PTPN20: variants seen among roughly 807,000 people sequenced by gnomAD.
PTPN20 encodes the protein protein tyrosine phosphatase non-receptor type 20, also known as tyrosine-protein phosphatase non-receptor type 20.
A neutral mutation model predicts 35.0 loss-of-function variants in PTPN20; 9 were observed. The ratio of observed to expected loss-of-function variants is 0.26; its 90% CI spans 0.15 to 0.45. The LOEUF is 0.45. Ranked by LOEUF, PTPN20 falls within the 20% of genes least tolerant of loss-of-function variation. PTPN20 has a pLI of 1.00. For missense variants in PTPN20, 111 were observed against 312.5 expected (o/e 0.36, Z 4.86); for synonymous variants, 32 against 100.2 (o/e 0.32, Z 4.06).
In PTPN20 at chr10:47,000,701, T is replaced by C. The variant is rs1656368670; in HGVS notation, c.1223T>C (p.Ile408Thr). 1.9e-6 allele frequency: 3 copies of C among 1,613,554 alleles called. No individual in the cohort carries two copies. Among genetic ancestry groups the C allele is most frequent in the Admixed American group, 1.7e-5 (1 of 60,002 alleles). The change falls in exon 11 of 11, where the codon ATT (isoleucine) becomes ACT (threonine). Residue 408 changes from isoleucine (I) to threonine (T), a missense_variant. Physicochemically the swap from Ile to Thr is moderately conservative, Grantham distance 89. This residue lies in a region of PTPN20 where 61 missense variants were observed against 54.3 expected (regional missense o/e 1.12). Transcript: ENST00000374339. ...GAGCAGTATCACTTTTGTTACGATA[T>C]TGTGCTTGAAGTTCTTCGGAAACTT... ...TKEQYHFCYDIVLEVLRKLLT... is the reference protein window; with the variant it reads ...TKEQYHFCYDTVLEVLRKLLT...
intron 3 of PTPN20, among the ~76,000 whole-genome samples, chr10:46,941,960 A>C (rs1464209197): frequency 2.7e-5 from 2 of 73,472 alleles, no homozygotes; most frequent in East Asian, 6.6e-4. Flanking sequence ...ATAGACTTGA[A>C]GTTGGTTAGA....
chr10:46,937,006 T>G (rs1445793811), intron 2 of PTPN20, among the ~76,000 whole-genome samples: 1 of 152,222 alleles, frequency 6.6e-6, no homozygotes, highest in African/African-American at 2.4e-5. Context: ...CTTTGGATAG[T>G]TCTACATTTT....
chr10:46,985,399 GTGACTTA>G (rs1332146371), intron 8 of PTPN20, among the ~76,000 whole-genome samples: 2 of 150,342 alleles, frequency 1.3e-5, no homozygotes, highest in Admixed American at 6.6e-5. Flanking sequence ...GGAGACATAT[GTGACTTA>G]TGACTTATGA....
Position 47,000,731 on chromosome 10 carries a change from C to T in PTPN20, c.1253C>T (p.Thr418Ile). The T allele has an allele frequency of 6.2e-7, 1 of 1,613,522 alleles. No individual in the cohort carries two copies. The highest frequency in any genetic ancestry group is 8.5e-7 in the Non-Finnish European group (1 of 1,179,566). ...CTTGAAGTTCTTCGGAAACTTCTGA[C>T]TTTGGATTAAGAAAGACTTCTGTTG... ...IVLEVLRKLLTLD is the reference protein window; with the variant it reads ...IVLEVLRKLLILD Residue 418 changes from threonine (T) to isoleucine (I), a missense_variant, in exon 11 of 11, where the codon ACT (threonine) becomes ATT (isoleucine). Physicochemically the swap from Thr to Ile is moderately conservative, Grantham distance 89. Coordinates refer to ENST00000374339, the MANE Select transcript of PTPN20 (RefSeq NM_001042357.5).
chr10:46,959,940 ATTT>A (rs2049472367), intron 5 of PTPN20, among the ~76,000 whole-genome samples: 1 of 66,360 alleles, frequency 1.5e-5, no homozygotes, highest in South Asian at 7.8e-4. Context: ...TAATTTTTTT[ATTT>A]TTAGGCTAAT....
chr10:46,959,181 T>C (rs2049175828), intron 5 of PTPN20, among the ~76,000 whole-genome samples: 1 of 128,306 alleles, frequency 7.8e-6, no homozygotes, highest in African/African-American at 3.0e-5. Flanking sequence ...GTATTTTGAT[T>C]GTTACTAGGC....
intron 3 of PTPN20, among the ~76,000 whole-genome samples, chr10:46,941,856 TTGCTTTTCTTA>T (rs1260877755): frequency 1.2e-5 from 1 of 84,716 alleles, no homozygotes; most frequent in Non-Finnish European, 2.1e-5. Flanking sequence ...TTATTAGAAC[TTGCTTTTCTTA>T]TGTTTCATGA....
intron 4 of PTPN20, among the ~76,000 whole-genome samples, chr10:46,945,126 G>A (rs1350934720): frequency 7.0e-6 from 1 of 142,698 alleles, no homozygotes; most frequent in Non-Finnish European, 1.5e-5. Context: ...TATGTGAGGT[G>A]GAATGCTAGG....
At chr10:46,995,968 G>A (rs2059033587) in intron 9 of PTPN20, among the ~76,000 whole-genome samples, 2 of 152,102 alleles carry the variant, frequency 1.3e-5, no homozygotes, top group South Asian at 2.1e-4. Flanking sequence ...TTTCAGTGCT[G>A]TATATTTGGT....
At chr10:46,928,685 A>G (rs1404025244) in intron 1 of PTPN20, among the ~76,000 whole-genome samples, 4 of 148,190 alleles carry the variant, frequency 2.7e-5, no homozygotes, top group Admixed American at 6.7e-5. Flanking sequence ...CAATACCACC[A>G]TTCCTTATAG....
At chr10:46,983,569 A>G (rs78969537) in intron 7 of PTPN20, among the ~76,000 whole-genome samples, 39,145 of 112,400 alleles carry the variant, frequency 0.35, 6,800 homozygotes, top group Middle Eastern at 0.46. Flanking sequence ...TTTCCCTCTC[A>G]TATTTGTTAT....
At chr10:46,999,829 T>C in intron 9 of PTPN20, 83 bp from the exon 10 acceptor site, 1 of 1,493,848 alleles carries the variant, frequency 6.7e-7, no homozygotes, top group South Asian at 1.2e-5. Context: ...AATCTTGACA[T>C]CTCTTTCACC....
In PTPN20 at chr10:46,999,987, C is replaced by A. The variant is rs782277913; in HGVS notation, c.1197+13C>A. On this transcript the variant is annotated intron_variant, in intron 10 of 10. Coordinates refer to ENST00000374339, the MANE Select transcript of PTPN20 (RefSeq NM_001042357.5). ...GGTTCAAACGAAGGTAAGCTTTCAC[C>A]ACATACATAATAATAAGAATAATGA... 2 of 1,613,644 alleles carry A rather than the reference C, an allele frequency of 1.2e-6. No individual in the cohort carries two copies. Among genetic ancestry groups the A allele is most frequent in the Admixed American group, 3.3e-5 (2 of 59,998 alleles).
chr10:46,977,260 C>T (rs1337168363), intron 7 of PTPN20, among the ~76,000 whole-genome samples: 1 of 152,290 alleles, frequency 6.6e-6, no homozygotes, highest in African/African-American at 2.4e-5. Context: ...AACCTGCTGG[C>T]CTGCCCTGCA....
intron 9 of PTPN20, among the ~76,000 whole-genome samples, chr10:46,998,092 T>C (rs2059464769): frequency 6.6e-6 from 1 of 152,184 alleles, no homozygotes; most frequent in Non-Finnish European, 1.5e-5. Flanking sequence ...CTAACTAAAG[T>C]TGACATATAA....
At chr10:46,993,645 A>G (rs1555178556) in intron 9 of PTPN20, among the ~76,000 whole-genome samples, 1 of 152,246 alleles carries the variant, frequency 6.6e-6, no homozygotes, top group African/African-American at 2.4e-5. Flanking sequence ...GAATAGAAAC[A>G]AAGAAAAAAT....
chr10:46,935,757 G>A (rs1294970691), intron 2 of PTPN20, among the ~76,000 whole-genome samples: 1 of 152,080 alleles, frequency 6.6e-6, no homozygotes, highest in Non-Finnish European at 1.5e-5. Flanking sequence ...GAAAAGTTCT[G>A]TGATGAACAT....
chr10:46,995,138 T>C (rs2058809701), intron 9 of PTPN20, among the ~76,000 whole-genome samples: 1 of 152,128 alleles, frequency 6.6e-6, no homozygotes, highest in East Asian at 1.9e-4. Flanking sequence ...CCTTGCTTTA[T>C]CCATTTGGGG....
chr10:46,976,026 C>T (rs2136146421), intron 7 of PTPN20, among the ~76,000 whole-genome samples: 1 of 150,044 alleles, frequency 6.7e-6, no homozygotes, highest in Non-Finnish European at 1.5e-5. Flanking sequence ...TCACCGAAAC[C>T]TCAAACTCCT....
Sources: gnomAD v4.1 joint callset for allele counts (sites outside exome capture counted in the v4.1 genomes callset) on GRCh38, gnomAD v4.1.1 for gene constraint, gnomAD v4.1.1 regional missense constraint, MANE v1.5 for transcripts, NCBI Gene and HGNC (gene_info 2026-07-23, HGNC 2026-07-21) for gene names.